Variants in PRKCH observed in about 807,000 individuals in gnomAD.
PRKCH encodes the protein protein kinase C eta type.
PRKCH carries 28 observed loss-of-function variants against 82.5 expected under a neutral mutation model. That is an observed-to-expected ratio of 0.34 (90% CI 0.25 to 0.47). The LOEUF (loss-of-function observed/expected upper bound fraction) is 0.47. Among genes scored for constraint, PRKCH ranks in the 20% least tolerant of loss-of-function variants. PRKCH has a pLI of 1.00. For synonymous variants in PRKCH, 322 were observed against 327.4 expected (o/e 0.98, Z 0.18); for missense variants, 705 against 881.8 (o/e 0.80, Z 2.54).
intron 1 of PRKCH, among the ~76,000 whole-genome samples, chr14:61,234,359 A>G (rs2044770696): frequency 6.6e-6 from 1 of 152,180 alleles, no homozygotes; most frequent in African/African-American, 2.4e-5. Flanking sequence ...GATGAAAACA[A>G]AATATAGTCA....
chr14:61,194,651 C>A (rs1477431035), intron 1 of PRKCH, among the ~76,000 whole-genome samples: 1 of 152,168 alleles, frequency 6.6e-6, no homozygotes, highest in Non-Finnish European at 1.5e-5. Flanking sequence ...CATCCATTTA[C>A]CCTATTTTGG....
intron 1 of PRKCH, among the ~76,000 whole-genome samples, chr14:61,384,130 G>A (rs1431153234): frequency 6.6e-6 from 1 of 152,138 alleles, no homozygotes; most frequent in East Asian, 1.9e-4. Flanking sequence ...TGGAGGGAAC[G>A]AAGGGAAAAA....
At position 61,453,275 on chromosome 14, in the gene PRKCH, C is replaced by T; in HGVS notation, c.882C>T (p.Asn294=). The T allele has an allele frequency of 6.2e-7, 1 of 1,614,172 alleles. No individual in the cohort carries two copies. Among genetic ancestry groups the T allele is most frequent in the Non-Finnish European group, 8.5e-7 (1 of 1,180,032 alleles). The stretch of plus-strand genomic sequence containing the variant: ...GATGTCAAGCGAACGTGGCCCCTAA[C>T]TGTGGGGTAAATGCGGTGGAACTTG... ...HIRCQANVAP[N]CGVNAVELAK... is the part of the protein sequence containing the mutation. Residue 294 remains asparagine, a synonymous_variant, in exon 7 of 14, where the codon AAC becomes AAT. Coordinates refer to ENST00000332981, the MANE Select transcript of PRKCH (RefSeq NM_006255.5).
rs1440276568 is a variant in PRKCH at position 61,457,219 on chromosome 14, G to A, written c.1004G>A (p.Ser335Asn). 1 of 1,614,200 alleles carries A rather than the reference G, an allele frequency of 6.2e-7. No homozygotes were observed. The highest frequency in any genetic ancestry group is 8.5e-7 in the Non-Finnish European group (1 of 1,180,028). The stretch of plus-strand genomic sequence containing the variant: ...ACCCTAAGACGACAGGGAAAGGAGA[G>A]CAGCAAAGAAGGAAATGGGATTGGG... Reference protein sequence around the residue: ...RSTLRRQGKESSKEGNGIGVN... With the variant: ...RSTLRRQGKENSKEGNGIGVN... The change falls in exon 8 of 14, where the codon AGC becomes AAC. Residue 335 changes from serine to asparagine, a missense_variant. This residue lies in a region of PRKCH where 238 missense variants were observed against 258.1 expected (regional missense o/e 0.92). Transcript: ENST00000332981.
intron 1 of PRKCH, among the ~76,000 whole-genome samples, chr14:61,381,679 G>C (rs1048976879): frequency 2.0e-5 from 3 of 152,340 alleles, no homozygotes; most frequent in African/African-American, 7.2e-5. Flanking sequence ...GGCCCTCATT[G>C]AGAACCATCC....
chr14:61,232,405 G>A (rs918626991), intron 1 of PRKCH, among the ~76,000 whole-genome samples: 1 of 152,144 alleles, frequency 6.6e-6, no homozygotes, highest in Admixed American at 6.5e-5. Flanking sequence ...ATTTTTAATA[G>A]AGACAGGGTT....
intron 1 of PRKCH, among the ~76,000 whole-genome samples, chr14:61,231,258 A>G (rs1386761436): frequency 1.3e-5 from 2 of 152,224 alleles, no homozygotes; most frequent in Non-Finnish European, 2.9e-5. Flanking sequence ...AAACAATTCA[A>G]TACACACAGG....
Position 61,210,111 on chromosome 14 carries a change from A to AATATAT in PRKCH, c.-19+22489_-19+22494dup, listed in dbSNP as rs60055073. Among the ~76,000 whole-genome samples, 103 of 87,262 alleles carry AATATAT rather than the reference A, an allele frequency of 1.2e-3. 1 individual carries two copies. The highest frequency in any genetic ancestry group is 1.6e-3 in the Non-Finnish European group (64 of 40,200). 57.2% of individuals were successfully genotyped at this position (87,262 alleles called of 152,430 possible). On this transcript the variant is annotated intron_variant, in intron 1 of 3. Transcript: ENST00000555185. ...AAAAAACAAAACAAACAAACAAACAAATATATATATATATATATATATATA... is the reference window on the plus strand; with the variant it reads ...AAAAAACAAAACAAACAAACAAACAAATATATATATATATATATATATATATATATA...
intron 10 of PRKCH, among the ~76,000 whole-genome samples, chr14:61,527,409 C>G (rs149063434): frequency 6.6e-6 from 1 of 152,322 alleles, no homozygotes; most frequent in East Asian, 1.9e-4. Context: ...TCTGCTGCTT[C>G]TCTCTATCCG....
intron 10 of PRKCH, chr14:61,528,046 G>A (rs995800547): frequency 1.3e-5 from 2 of 152,102 alleles, no homozygotes; most frequent in African/African-American, 4.8e-5. Context: ...GTGCCACTAG[G>A]ATGATACAGC....
chr14:61,320,556 G>A (rs1293442755), upstream of PRKCH, among the ~76,000 whole-genome samples: 1 of 152,126 alleles, frequency 6.6e-6, no homozygotes, highest in Non-Finnish European at 1.5e-5. Context: ...CCGAGATGGC[G>A]CCATTGCACT....
At chr14:61,223,507 C>T (rs2044671648) in intron 1 of PRKCH, among the ~76,000 whole-genome samples, 1 of 152,152 alleles carries the variant, frequency 6.6e-6, no homozygotes, top group South Asian at 2.1e-4. Context: ...TTGGCTCCTA[C>T]CATTTGGCTT....
chr14:61,350,662 C>T (rs1202867396), intron 1 of PRKCH, among the ~76,000 whole-genome samples: 2 of 152,130 alleles, frequency 1.3e-5, no homozygotes, highest in Non-Finnish European at 2.9e-5. Context: ...TTTTGTCTGT[C>T]TATTCCAGGA....
intron 1 of PRKCH, among the ~76,000 whole-genome samples, chr14:61,271,649 G>A (rs1244663882): frequency 6.6e-6 from 1 of 152,210 alleles, no homozygotes; most frequent in Non-Finnish European, 1.5e-5. Context: ...TTCCTCATCT[G>A]TGAAATGCAG....
At chr14:61,254,734 A>G (rs1677783763) in intron 1 of PRKCH, among the ~76,000 whole-genome samples, 4 of 152,230 alleles carry the variant, frequency 2.6e-5, no homozygotes, top group Admixed American at 2.6e-4. Flanking sequence ...TTTGGGCAAG[A>G]ATAAAAGCAA....
intron 12 of PRKCH, among the ~76,000 whole-genome samples, chr14:61,535,841 G>A (rs1476714974): frequency 1.3e-5 from 2 of 152,212 alleles, no homozygotes. Flanking sequence ...AGAAACAGAT[G>A]AAACAATATT....
chr14:61,279,009 AC>A, intron 1 of PRKCH: 1 of 150,576 alleles, frequency 6.6e-6, no homozygotes, highest in South Asian at 2.1e-4. Flanking sequence ...ACACACACAC[AC>A]ACAATGACAA....
At chr14:61,549,645 C>T (rs1380963931) in intron 13 of PRKCH, 40 bp from the exon 14 acceptor site, 8 of 1,602,242 alleles carry the variant, frequency 5.0e-6, no homozygotes, top group East Asian at 4.5e-5. Context: ...AAGCCTCAAG[C>T]GCAAAAATCT....
intron 1 of PRKCH, among the ~76,000 whole-genome samples, chr14:61,302,564 C>G (rs1289991563): frequency 6.6e-6 from 1 of 152,126 alleles, no homozygotes; most frequent in Non-Finnish European, 1.5e-5. Context: ...ATGGAACATC[C>G]ACAAATTTTG....
Sources: gnomAD v4.1 joint callset for allele counts (sites outside exome capture counted in the v4.1 genomes callset) on GRCh38, gnomAD v4.1.1 for gene constraint, gnomAD v4.1.1 regional missense constraint, MANE v1.5 for transcripts, NCBI Gene and HGNC (gene_info 2026-07-23, HGNC 2026-07-21) for gene names.